ANKRD30BL: variants seen among roughly 807,000 people sequenced by gnomAD.
ANKRD30BL encodes ankyrin repeat domain 30B like.
Under a neutral mutation model 18.4 loss-of-function variants are expected in ANKRD30BL, and 20 were observed. That is an observed-to-expected ratio of 1.09 (90% CI 0.77 to 1.58). The LOEUF (loss-of-function observed/expected upper bound fraction) is 1.58, where lower values mean the gene tolerates loss of function less well. Ranked by LOEUF, ANKRD30BL falls within the 40% of genes most tolerant of loss-of-function variation. ANKRD30BL has a pLI of 0.00. For synonymous variants in ANKRD30BL, 72 were observed against 100.9 expected (o/e 0.71, Z 1.72); for missense variants, 224 against 268.6 (o/e 0.83, Z 1.16).
At chr2:132,215,824 C>A (rs10202117) in intron 1 of ANKRD30BL, among the ~76,000 whole-genome samples, 1 of 151,764 alleles carries the variant, frequency 6.6e-6, no homozygotes, top group Non-Finnish European at 1.5e-5. Flanking sequence ...TGCAAGTGGA[C>A]ATTTGGAGTG....
intron 1 of ANKRD30BL, among the ~76,000 whole-genome samples, chr2:132,180,485 G>A (rs1282101823): frequency 6.6e-6 from 1 of 152,180 alleles, no homozygotes; most frequent in Non-Finnish European, 1.5e-5. Flanking sequence ...AGTGATTCAT[G>A]CCTGTATGCA....
At chr2:132,211,551 G>A (rs533270455) in intron 1 of ANKRD30BL, among the ~76,000 whole-genome samples, 1,607 of 151,478 alleles carry the variant, frequency 0.011, 28 homozygotes, top group African/African-American at 0.036. Context: ...GGCCAGTGGT[G>A]GAAAAAGAAA....
intron 1 of ANKRD30BL, among the ~76,000 whole-genome samples, chr2:132,199,781 G>C (rs527963525): frequency 0.017 from 2,658 of 152,108 alleles, 87 homozygotes; most frequent in African/African-American, 0.06. Flanking sequence ...AAATATGTAG[G>C]ATATTTAAAA....
upstream of ANKRD30BL, among the ~76,000 whole-genome samples, chr2:132,165,979 T>C (rs62161674): frequency 6.6e-6 from 1 of 152,164 alleles, no homozygotes; most frequent in Non-Finnish European, 1.5e-5. Flanking sequence ...TGTCAAGTTA[T>C]GAAAATTCAC....
chr2:132,175,141 T>C (rs553361827), intron 1 of ANKRD30BL, among the ~76,000 whole-genome samples: 4 of 152,276 alleles, frequency 2.6e-5, no homozygotes, highest in Admixed American at 6.5e-5. Context: ...CCCAGGGGAC[T>C]GGCGCTCAGC....
chr2:132,217,866 C>T (rs1331016066), intron 1 of ANKRD30BL, among the ~76,000 whole-genome samples: 1 of 151,800 alleles, frequency 6.6e-6, no homozygotes, highest in East Asian at 1.9e-4. Context: ...TTTGATAAAG[C>T]AGTTTAGAAA....
intron 1 of ANKRD30BL, among the ~76,000 whole-genome samples, chr2:132,232,811 T>C (rs1475597043): frequency 6.6e-6 from 1 of 151,952 alleles, no homozygotes; most frequent in African/African-American, 2.4e-5. Flanking sequence ...CAGGCCAACA[T>C]TCAGATTCAG....
At chr2:132,174,297 A>G (rs1688327589) in intron 1 of ANKRD30BL, among the ~76,000 whole-genome samples, 1 of 152,216 alleles carries the variant, frequency 6.6e-6, no homozygotes, top group South Asian at 2.1e-4. Flanking sequence ...AACTAGTATT[A>G]GCCAGAAGGG....
rs1305782677 is a variant in ANKRD30BL at position 132,161,625 on chromosome 2, G to A, written c.81C>T (p.Thr27=). ...RPSPFSQLVY[T]NNDSYVIHHG... ...GGTGAATCACGTAAGAGTCGTTGTT[G>A]GTGTAGACCAGCTGACTGAAGGGGC... Residue 27 remains threonine, a synonymous_variant, in exon 1 of 6, where the codon ACC becomes ACT. Coordinates refer to ENST00000409867, the MANE Select transcript of ANKRD30BL (RefSeq NM_001358416.1). The A allele has an allele frequency of 9.0e-6, 13 of 1,448,342 alleles. No homozygotes were observed. The African/African-American group carries it at 1.7e-4, about 19-fold the overall frequency. The allele number at this position is 1,448,342 out of a possible 1,614,324, so 89.7% of individuals were successfully genotyped here.
At chr2:132,149,663 A>T (rs1303384312) in intron 5 of ANKRD30BL, among the ~76,000 whole-genome samples, 1 of 152,184 alleles carries the variant, frequency 6.6e-6, no homozygotes, top group Non-Finnish European at 1.5e-5. Flanking sequence ...AAAAGTCACT[A>T]TGCCACACAG....
intron 1 of ANKRD30BL, among the ~76,000 whole-genome samples, chr2:132,213,947 T>C (rs912809648): frequency 2.0e-5 from 3 of 151,860 alleles, no homozygotes; most frequent in African/African-American, 4.8e-5. Flanking sequence ...TAAATGGACA[T>C]TTGGAGTACT....
chr2:132,222,480 G>T (rs984930859), intron 1 of ANKRD30BL, among the ~76,000 whole-genome samples: 2 of 152,152 alleles, frequency 1.3e-5, no homozygotes, highest in Non-Finnish European at 2.9e-5. Context: ...TTTTCATTTT[G>T]TTCTGTACTG....
At chr2:132,233,895 A>G (rs1350718578) in intron 1 of ANKRD30BL, among the ~76,000 whole-genome samples, 1 of 152,032 alleles carries the variant, frequency 6.6e-6, no homozygotes, top group Non-Finnish European at 1.5e-5. Flanking sequence ...TTTTTTCAAC[A>G]CCACACCACA....
chr2:132,158,569 A>C lies in ANKRD30BL; in HGVS notation c.219-1146T>G, dbSNP rs1185183690. ...CTCACTTTGCTAAGGCTGAGCAGGT[A>C]AATGTGAAATTTTTAAGGATGAAAG... On this transcript the variant is annotated intron_variant, in intron 1 of 5. Coordinates refer to ENST00000409867, the MANE Select transcript of ANKRD30BL (RefSeq NM_001358416.1). Among the ~76,000 whole-genome samples, 2 of 151,854 alleles carry C rather than the reference A, an allele frequency of 1.3e-5. 1 individual carries two copies. Among genetic ancestry groups the C allele is most frequent in the Admixed American group, 1.3e-4 (2 of 15,240 alleles).
chr2:132,231,045 G>A (rs970034111), intron 1 of ANKRD30BL, among the ~76,000 whole-genome samples: 1 of 152,018 alleles, frequency 6.6e-6, no homozygotes, highest in African/African-American at 2.4e-5. Flanking sequence ...TGGCATTCAA[G>A]TAAGGGAGTT....
Position 132,202,409 on chromosome 2 carries a change from TC to T in ANKRD30BL, n.442-45264del, listed in dbSNP as rs531698818. On this transcript the variant is annotated intron_variant and non_coding_transcript_variant, in intron 1 of 4. Transcript: ENST00000470729. Reference sequence around the variant, plus strand: ...TTAAAGTAAAATAAAAATTTGTGACTCATAAAGACACTTCATTTTTATCCTC... The same window carrying T: ...TTAAAGTAAAATAAAAATTTGTGACTATAAAGACACTTCATTTTTATCCTC... 4.2e-4 allele frequency among the ~76,000 whole-genome samples: 59 copies of T among 140,902 alleles called. No individual in the cohort carries two copies. The South Asian group carries it at 0.012, about 30-fold the overall frequency. 92.4% of individuals were successfully genotyped at this position (140,902 alleles called of 152,430 possible).
In ANKRD30BL at chr2:132,222,322, C is replaced by T. The variant is rs928179500; in HGVS notation, n.441+35207G>A. On this transcript the variant is annotated intron_variant and non_coding_transcript_variant, in intron 1 of 4. Coordinates refer to the ANKRD30BL transcript ENST00000470729. ...GAGCCCCTCTGCCCGGCCATGACCC[C>T]GTCTGGGAGGTGTGCCCAGCGGCTC... Among the ~76,000 whole-genome samples the T allele has an allele frequency of 3.3e-5, 5 of 152,122 alleles. 1 individual carries two copies. The highest frequency in any genetic ancestry group is 3.3e-4 in the Admixed American group (5 of 15,258).
chr2:132,247,063 T>TGAAA (rs1488717580), intron 1 of ANKRD30BL, among the ~76,000 whole-genome samples: 1 of 151,594 alleles, frequency 6.6e-6, no homozygotes, highest in Non-Finnish European at 1.5e-5. Flanking sequence ...TTCCCTTTCA[T>TGAAA]GGAGCAGTTT....
intron 1 of ANKRD30BL, among the ~76,000 whole-genome samples, chr2:132,201,518 G>A (rs1573836015): frequency 1.3e-5 from 2 of 152,166 alleles, no homozygotes; most frequent in East Asian, 3.9e-4. Flanking sequence ...AGACATTTAT[G>A]CAGGCAAAAA....
Sources: allele counts gnomAD v4.1 joint callset (sites outside exome capture counted in the v4.1 genomes callset), GRCh38; gene constraint gnomAD v4.1.1; transcripts MANE v1.5; gene names NCBI Gene and HGNC (gene_info 2026-07-23, HGNC 2026-07-21).